SLC8A3: variants seen among roughly 807,000 people sequenced by gnomAD.
The protein encoded by SLC8A3 is solute carrier family 8 member A3.
Under a neutral mutation model 65.4 loss-of-function variants are expected in SLC8A3, and 37 were observed. That is an observed-to-expected ratio of 0.57 (90% CI 0.44 to 0.74). The LOEUF (loss-of-function observed/expected upper bound fraction) is 0.74, where lower values mean the gene tolerates loss of function less well. Among genes scored for constraint, SLC8A3 ranks in the 30% least tolerant of loss-of-function variants. The probability of loss-of-function intolerance (pLI) is 0.00; values close to 1 mark genes in which losing one functional copy is unlikely to be tolerated. For missense variants in SLC8A3, 1,112 were observed against 1,172.1 expected (o/e 0.95, Z 0.75); for synonymous variants, 461 against 444.5 (o/e 1.04, Z -0.47).
chr14:70,138,939 T>C (rs1402237029), intron 2 of SLC8A3, among the ~76,000 whole-genome samples: 1 of 152,246 alleles, frequency 6.6e-6, no homozygotes, highest in Admixed American at 6.5e-5. Flanking sequence ...ACCTGCCCAG[T>C]GCCAGGCGCT....
chr14:70,116,424 T>TTGAG (rs1325074492), intron 2 of SLC8A3, among the ~76,000 whole-genome samples: 2 of 151,656 alleles, frequency 1.3e-5, no homozygotes, highest in Admixed American at 6.6e-5. Context: ...GAAGCACAGT[T>TTGAG]TGAGAACTTT....
chr14:70,175,049 T>C (rs1418698750), intron 1 of SLC8A3, among the ~76,000 whole-genome samples: 2 of 152,178 alleles, frequency 1.3e-5, no homozygotes, highest in Non-Finnish European at 2.9e-5. Context: ...TAATGACTTC[T>C]GAACCGTCTG....
intron 1 of SLC8A3, among the ~76,000 whole-genome samples, chr14:70,180,496 A>G (rs1882654613): frequency 6.7e-6 from 1 of 149,630 alleles, no homozygotes; most frequent in African/African-American, 2.5e-5. Flanking sequence ...GTGCTCTTCC[A>G]TAATGATTTC....
chr14:70,148,516 C>T (rs1191520129), intron 2 of SLC8A3, among the ~76,000 whole-genome samples: 1 of 152,116 alleles, frequency 6.6e-6, no homozygotes, highest in Non-Finnish European at 1.5e-5. Context: ...GTCTCTTCAG[C>T]CTTGGATGGT....
chr14:70,189,062 A>T (rs1883602884), upstream of SLC8A3: 1 of 152,088 alleles, frequency 6.6e-6, no homozygotes, highest in Non-Finnish European at 1.5e-5. Context: ...CAGCTGGGAG[A>T]CAGCGCCGCA....
intron 2 of SLC8A3, among the ~76,000 whole-genome samples, chr14:70,079,036 T>C (rs1299969433): frequency 6.6e-6 from 1 of 152,220 alleles, no homozygotes; most frequent in African/African-American, 2.4e-5. Context: ...TTATAGTACA[T>C]GTTACAGTTG....
At chr14:70,174,182 G>A (rs1183486266) in intron 1 of SLC8A3, among the ~76,000 whole-genome samples, 1 of 152,216 alleles carries the variant, frequency 6.6e-6, no homozygotes, top group African/African-American at 2.4e-5. Context: ...GCCCCTTCGA[G>A]CAAAGGCTCA....
chr14:70,154,241 A>G (rs901291257), intron 2 of SLC8A3, among the ~76,000 whole-genome samples: 3 of 152,266 alleles, frequency 2.0e-5, no homozygotes, highest in African/African-American at 7.2e-5. Context: ...TATGTAACAC[A>G]ATAGAAAGAA....
intron 2 of SLC8A3, among the ~76,000 whole-genome samples, chr14:70,062,138 G>A (rs529234165): frequency 6.8e-4 from 2 of 2,926 alleles, no homozygotes; most frequent in African/African-American, 2.8e-3. Context: ...TTGGGGGAGG[G>A]GAGGCTAAGA....
rs908260485 is a variant in SLC8A3, at chr14:70,044,846, G to C, written c.*1101C>G. On this transcript the variant is annotated 3_prime_UTR_variant, in exon 7 of 7. Coordinates refer to ENST00000356921, the MANE Select transcript of SLC8A3 (RefSeq NM_182932.3). ...CATTAGGAAGCAAGAGCGTGGTGAAGCTGACATTTCTCAGGCACATTGACA... is the reference window on the plus strand; with the variant it reads ...CATTAGGAAGCAAGAGCGTGGTGAACCTGACATTTCTCAGGCACATTGACA... The C allele has an allele frequency of 6.6e-6, 1 of 152,216 alleles. No individual in the cohort carries two copies. Among genetic ancestry groups the C allele is most frequent in the African/African-American group, 2.4e-5 (1 of 41,454 alleles). The allele number at this position is 152,216 out of a possible 1,614,324, so 9.4% of individuals were successfully genotyped here. A position where few individuals can be genotyped will look rare whatever the true frequency, so the allele number is the denominator to read the frequency against.
intron 2 of SLC8A3, among the ~76,000 whole-genome samples, chr14:70,140,321 C>T (rs902836088): frequency 2.0e-5 from 3 of 152,184 alleles, no homozygotes; most frequent in Non-Finnish European, 2.9e-5. Context: ...CATATCACTG[C>T]ACACTTACAG....
chr14:70,148,800 A>G (rs1896093268), intron 2 of SLC8A3, among the ~76,000 whole-genome samples: 1 of 152,226 alleles, frequency 6.6e-6, no homozygotes, highest in Non-Finnish European at 1.5e-5. Context: ...AGTGACCAGA[A>G]CAGGGCAGCA....
chr14:70,143,613 G>A (rs1161120769), intron 2 of SLC8A3, among the ~76,000 whole-genome samples: 1 of 152,122 alleles, frequency 6.6e-6, no homozygotes, highest in Non-Finnish European at 1.5e-5. Flanking sequence ...CCAGGCATCA[G>A]TACTTTTCAA....
At chr14:70,158,998 G>A (rs1296045823) in intron 2 of SLC8A3, among the ~76,000 whole-genome samples, 1 of 152,210 alleles carries the variant, frequency 6.6e-6, no homozygotes, top group Non-Finnish European at 1.5e-5. Context: ...TGCTCTATTT[G>A]CAGATCAAGG....
At position 70,167,512 on chromosome 14, in the gene SLC8A3, A is replaced by G; in HGVS notation, c.911T>C (p.Leu304Pro). 6.2e-7 allele frequency: 1 copy of G among 1,613,932 alleles called. No homozygotes were observed. Among genetic ancestry groups the G allele is most frequent in the Non-Finnish European group, 8.5e-7 (1 of 1,179,982 alleles). ...SHFLDGNLVP[L>P]EGKEVDESRR... ...GGACTCATCCACTTCCTTCCCTTCC[A>G]GGGGCACCAGGTTCCCATCTAGAAA... The change falls in exon 2 of 7, where the codon CTG becomes CCG. Residue 304 changes from leucine (L) to proline (P), a missense_variant. By Grantham distance (98) the Leu-to-Pro change is moderately conservative. Coordinates refer to ENST00000356921, the MANE Select transcript of SLC8A3 (RefSeq NM_182932.3).
chr14:70,162,130 A>C (rs1259445991), intron 2 of SLC8A3, among the ~76,000 whole-genome samples: 1 of 152,264 alleles, frequency 6.6e-6, no homozygotes, highest in Admixed American at 6.5e-5. Context: ...GACATTAGTC[A>C]CATAATACTC....
chr14:70,089,580 G>A (rs116524859), intron 2 of SLC8A3, among the ~76,000 whole-genome samples: 2,023 of 152,270 alleles, frequency 0.013, 46 homozygotes, highest in African/African-American at 0.046. Context: ...CTTTCAAGTT[G>A]GGCATGCTGA....
chr14:70,084,733 G>A (rs1891300460), intron 2 of SLC8A3, among the ~76,000 whole-genome samples: 1 of 152,190 alleles, frequency 6.6e-6, no homozygotes, highest in Admixed American at 6.6e-5. Context: ...TGAGAAAGAG[G>A]AGAAACGGAG....
chr14:70,145,682 G>A (rs1177772780), intron 2 of SLC8A3, among the ~76,000 whole-genome samples: 1 of 152,198 alleles, frequency 6.6e-6, no homozygotes, highest in Non-Finnish European at 1.5e-5. Flanking sequence ...GGAAATAAAA[G>A]TCTATGTGGG....
Sources: gnomAD v4.1 joint callset for allele counts (sites outside exome capture counted in the v4.1 genomes callset) on GRCh38, gnomAD v4.1.1 for gene constraint, MANE v1.5 for transcripts, NCBI Gene and HGNC (gene_info 2026-07-23, HGNC 2026-07-21) for gene names.